ABITRAM: variants seen among roughly 807,000 people sequenced by gnomAD.
ABITRAM encodes the protein actin binding transcription modulator.
In ABITRAM, 19 loss-of-function variants were observed where a neutral mutation model predicts 22.9. That is an observed-to-expected ratio of 0.83 (90% CI 0.58 to 1.22). ABITRAM has a LOEUF of 1.22. Ranked by LOEUF, ABITRAM falls within the 50% of genes most tolerant of loss-of-function variation. ABITRAM has a pLI of 0.00. For missense variants in ABITRAM, 215 were observed against 220.2 expected, an observed-to-expected ratio of 0.98 and a Z score of 0.15; for synonymous variants, 70 against 73.9, an observed-to-expected ratio of 0.95 and a Z score of 0.27.
chr9:108,934,709 G>A (rs1830145263), intron 1 of ABITRAM, 144 bp downstream of exon 1: 1 of 796,796 alleles, frequency 1.3e-6, no homozygotes. Context: ...GTTCCGTCTA[G>A]CCCCAGGGAA....
downstream of ABITRAM, among the ~76,000 whole-genome samples, chr9:108,945,640 T>TTG (rs1830380434): frequency 7.0e-6 from 1 of 143,142 alleles, no homozygotes; most frequent in African/African-American, 2.5e-5. Context: ...TTTTTTTTTT[T>TTG]TTGTTTTGTT....
Position 108,950,581 on chromosome 9 carries a change from TC to T in ABITRAM, c.340del (p.His114ThrfsTer42), listed in dbSNP as rs1320438968. ...TGCCTCTAAGCTTGGGACTGCATCT[TC>T]CCCACTCTTAATCCTCCTTCTATAG... On this transcript the variant is annotated frameshift_variant, in exon 4 of 4. Transcript: ENST00000374624. LOFTEE classifies it high-confidence loss of function. 1.9e-6 allele frequency: 3 copies of T among 1,550,348 alleles called. No homozygotes were observed. The highest frequency in any genetic ancestry group is 2.6e-6 in the Non-Finnish European group (3 of 1,146,802).
At chr9:108,943,015 G>A, downstream of ABITRAM, 3 of 1,612,554 alleles carry the variant, frequency 1.9e-6, no homozygotes, top group Non-Finnish European at 2.5e-6. Flanking sequence ...GAGCCATCAT[G>A]GATCTTGTCT....
At chr9:108,943,617 G>T, downstream of ABITRAM, 2 of 1,102,784 alleles carry the variant, frequency 1.8e-6, no homozygotes, top group Non-Finnish European at 2.6e-6. Flanking sequence ...TTGCCCTTCT[G>T]TGGGTACTAA....
chr9:108,942,466 A>G (rs374587721), downstream of ABITRAM: 5 of 411,302 alleles, frequency 1.2e-5, no homozygotes, highest in Admixed American at 4.1e-5. Flanking sequence ...ACATATTCAA[A>G]ATAGCTTCTT....
At chr9:108,943,889 C>G, downstream of ABITRAM, 1 of 1,598,932 alleles carries the variant, frequency 6.3e-7, no homozygotes, top group South Asian at 1.1e-5. Flanking sequence ...CACATTTATA[C>G]ATTGATATTA....
downstream of ABITRAM, chr9:108,943,670 G>A: frequency 1.9e-6 from 3 of 1,565,890 alleles, no homozygotes; most frequent in Non-Finnish European, 2.6e-6. Flanking sequence ...GATAAAGATA[G>A]ATGTGTGAAA....
Position 108,938,690 on chromosome 9 carries a change from A to AGG in ABITRAM, c.262-495_262-494dup, listed in dbSNP as rs67863314. ...TTACTAACACACTGGGGAATTACAA[A>AGG]GGGGGGGGGGGGAAAGAACAATATC... On this transcript the variant is annotated intron_variant, in intron 3 of 5. Transcript: ENST00000322940. 4.9e-3 allele frequency among the ~76,000 whole-genome samples: 549 copies of AGG among 111,572 alleles called. 10 individuals carry two copies. The highest frequency in any genetic ancestry group is 0.016 in the African/African-American group (500 of 30,940). The allele number at this position is 111,572 out of a possible 152,430, so 73.2% of individuals were successfully genotyped here.
chr9:108,948,031 C>T (rs1162205541), intron 3 of ABITRAM, among the ~76,000 whole-genome samples: 1 of 152,194 alleles, frequency 6.6e-6, no homozygotes, highest in African/African-American at 2.4e-5. Flanking sequence ...CATTGCAAGC[C>T]ATCTACCTTT....
chr9:108,940,591 A>T lies in ABITRAM; in HGVS notation c.*905A>T, dbSNP rs1259225363. The T allele has an allele frequency of 6.6e-6, 1 of 152,182 alleles. No homozygotes were observed. The highest frequency in any genetic ancestry group is 1.9e-4 in the East Asian group (1 of 5,194). 9.4% of individuals were successfully genotyped at this position (152,182 alleles called of 1,614,324 possible). Reference sequence around the variant, plus strand: ...AAACTGCAACACTGTGACTTCTTAAATGAGGGATATGTGAAAAGGCTATGA... The same window carrying T: ...AAACTGCAACACTGTGACTTCTTAATTGAGGGATATGTGAAAAGGCTATGA... On this transcript the variant is annotated 3_prime_UTR_variant, in exon 6 of 6. Coordinates refer to ENST00000322940, the MANE Select transcript of ABITRAM (RefSeq NM_017832.4).
intron 2 of ABITRAM, 166 bp from the exon 3 acceptor site, chr9:108,936,142 G>T: frequency 1.5e-6 from 1 of 665,312 alleles, no homozygotes; most frequent in East Asian, 2.8e-5. Context: ...TTTTATTATT[G>T]TATTCTCTAT....
intron 3 of ABITRAM, chr9:108,948,230 C>G: frequency 6.2e-7 from 1 of 1,611,308 alleles, no homozygotes; most frequent in Non-Finnish European, 8.5e-7. Context: ...AGTGGCCCCT[C>G]TCCTCTAAAA....
chr9:108,945,619 G>A (rs112526893), downstream of ABITRAM, among the ~76,000 whole-genome samples: 7,686 of 129,308 alleles, frequency 0.059, 300 homozygotes, highest in Admixed American at 0.15. Flanking sequence ...GTGCCACCAT[G>A]CCCCGCTAGT....
chr9:108,934,645 A>G, intron 1 of ABITRAM, 80 bp downstream of exon 1: 1 of 1,357,524 alleles, frequency 7.4e-7, no homozygotes, highest in South Asian at 1.3e-5. Context: ...ATCATAAGCC[A>G]CGCGCGCTCT....
At position 108,939,528 on chromosome 9, in the gene ABITRAM, TAAA is replaced by T. The variant is rs769710311; in HGVS notation, c.409-20_409-18del. ...TTTTTTTTTCATCGTTTGACAGTAC[TAAA>T]TGTTCTTTCCTTTCCAGCCATCTAC... On this transcript the variant is annotated intron_variant, in intron 5 of 5. Coordinates refer to ENST00000322940, the MANE Select transcript of ABITRAM (RefSeq NM_017832.4). 1.9e-6 allele frequency: 3 copies of T among 1,612,920 alleles called. No homozygotes were observed. The East Asian group carries it at 6.7e-5, about 36-fold the overall frequency.
At chr9:108,935,890 T>G (rs955857345) in intron 2 of ABITRAM, 23 of 569,572 alleles carry the variant, frequency 4.0e-5, no homozygotes, top group Admixed American at 6.3e-5. Context: ...TCTGAACATA[T>G]AAATTTGATT....
downstream of ABITRAM, chr9:108,943,618 T>C (rs941700867): frequency 3.9e-5 from 43 of 1,111,180 alleles, no homozygotes; most frequent in Admixed American, 2.5e-4. Context: ...TGCCCTTCTG[T>C]GGGTACTAAC....
At chr9:108,937,487 A>G (rs1355666232) in intron 3 of ABITRAM, among the ~76,000 whole-genome samples, 1 of 152,166 alleles carries the variant, frequency 6.6e-6, no homozygotes, top group Non-Finnish European at 1.5e-5. Flanking sequence ...TGCTCTCACT[A>G]TTCTAGGAGA....
chr9:108,942,138 T>A (rs965799869), downstream of ABITRAM, among the ~76,000 whole-genome samples: 1 of 152,186 alleles, frequency 6.6e-6, no homozygotes, highest in Non-Finnish European at 1.5e-5. Context: ...ACCCATCTCA[T>A]ACTCTCCAGG....
Sources: allele counts gnomAD v4.1 joint callset (sites outside exome capture counted in the v4.1 genomes callset), GRCh38; gene constraint gnomAD v4.1.1; transcripts MANE v1.5; gene names NCBI Gene and HGNC (gene_info 2026-07-23, HGNC 2026-07-21).